JAKMIP2: variants seen among roughly 807,000 people sequenced by gnomAD.
JAKMIP2 encodes janus kinase and microtubule interacting protein 2, also known as janus kinase and microtubule-interacting protein 2.
JAKMIP2 carries 25 observed loss-of-function variants against 115.0 expected under a neutral mutation model. The ratio of observed to expected loss-of-function variants is 0.22; its 90% CI spans 0.16 to 0.30. JAKMIP2 has a LOEUF of 0.30. JAKMIP2 is among the 10% of genes least tolerant of loss of function. The pLI is 1.00. For missense variants in JAKMIP2, 642 were observed against 957.6 expected (o/e 0.67, Z 4.35); for synonymous variants, 334 against 343.6 (o/e 0.97, Z 0.31).
chr5:147,721,108 A>G lies in JAKMIP2; in HGVS notation c.-148-49154T>C, dbSNP rs1230449376. 8.8e-3 allele frequency among the ~76,000 whole-genome samples: 1,325 copies of G among 151,152 alleles called. 26 individuals carry two copies. Among genetic ancestry groups the G allele is most frequent in the African/African-American group, 0.03 (1,205 of 40,644 alleles). ...TGCAGGTCTGTTGGAGTACCCTGCC[A>G]TGTGAGGTGTCAGTGTGCCCCTGCT... On this transcript the variant is annotated intron_variant, in intron 1 of 21. Coordinates refer to ENST00000616793, the MANE Select transcript of JAKMIP2 (RefSeq NM_001270941.2).
Position 147,591,409 on chromosome 5 carries a change from T to G in JAKMIP2, c.*298A>C, listed in dbSNP as rs1755090219. The G allele has an allele frequency of 7.0e-6, 3 of 429,326 alleles. No homozygotes were observed. The highest frequency in any genetic ancestry group is 1.2e-5 in the Non-Finnish European group (3 of 241,182). 26.6% of individuals were successfully genotyped at this position (429,326 alleles called of 1,614,324 possible). Reference sequence around the variant, plus strand: ...GCAGAAACTAGTTCCATTGCTGAACTTTTTCTTTACACAATATATGTTTAT... The same window carrying G: ...GCAGAAACTAGTTCCATTGCTGAACGTTTTCTTTACACAATATATGTTTAT... On this transcript the variant is annotated 3_prime_UTR_variant, in exon 22 of 22. Transcript: ENST00000616793.
At chr5:147,627,501 T>C (rs2126674424) in intron 16 of JAKMIP2, among the ~76,000 whole-genome samples, 1 of 152,018 alleles carries the variant, frequency 6.6e-6, no homozygotes, top group East Asian at 1.9e-4. Flanking sequence ...AAATTCTAAA[T>C]TTGGACCTTC....
At position 147,764,925 on chromosome 5, in the gene JAKMIP2, AGAGAG is replaced by A. The variant is rs1755070734; in HGVS notation, c.-149+17526_-149+17530del. Among the ~76,000 whole-genome samples the A allele has an allele frequency of 4.9e-5, 4 of 82,118 alleles. 1 individual carries two copies. Among genetic ancestry groups the A allele is most frequent in the African/African-American group, 2.5e-4 (4 of 15,946 alleles). The allele number at this position is 82,118 out of a possible 152,430, so 53.9% of individuals were successfully genotyped here. ...AAGAAAGAAAGAAAGAAAGAAAGAG[AGAGAG>A]AGAGAGAGAGAGAGAGGGAGAGAGA... is the stretch of plus-strand genomic sequence containing the variant. On this transcript the variant is annotated intron_variant, in intron 1 of 21. Coordinates refer to ENST00000616793, the MANE Select transcript of JAKMIP2 (RefSeq NM_001270941.2).
At chr5:147,736,290 T>G (rs1753919789) in intron 1 of JAKMIP2, among the ~76,000 whole-genome samples, 1 of 151,188 alleles carries the variant, frequency 6.6e-6, no homozygotes, top group African/African-American at 2.4e-5. Context: ...ACCCCGTCTC[T>G]ATTAAGAATA....
chr5:147,674,237 G>C (rs1432140285), intron 1 of JAKMIP2, among the ~76,000 whole-genome samples: 1 of 151,864 alleles, frequency 6.6e-6, no homozygotes, highest in East Asian at 1.9e-4. Flanking sequence ...TTTATTCCTT[G>C]TTTCTCTTAT....
chr5:147,634,513 T>C (rs932147156), intron 12 of JAKMIP2, among the ~76,000 whole-genome samples: 3 of 152,224 alleles, frequency 2.0e-5, no homozygotes, highest in African/African-American at 7.2e-5. Context: ...GAGATTCTAC[T>C]TCCTAGAATC....
intron 17 of JAKMIP2, 59 bp from the exon 18 acceptor site, chr5:147,620,802 A>C (rs1373945917): frequency 5.2e-6 from 6 of 1,164,746 alleles, no homozygotes; most frequent in Non-Finnish European, 7.7e-6. Context: ...TGACGTACAA[A>C]TGGTATTGAT....
At chr5:147,602,375 C>T (rs1463780989) in intron 20 of JAKMIP2, among the ~76,000 whole-genome samples, 3 of 152,130 alleles carry the variant, frequency 2.0e-5, no homozygotes, top group African/African-American at 4.8e-5. Flanking sequence ...GAAATGGACA[C>T]TGTTAATAAT....
chr5:147,654,676 C>T (rs965273072), intron 3 of JAKMIP2, among the ~76,000 whole-genome samples: 3 of 152,148 alleles, frequency 2.0e-5, no homozygotes, highest in African/African-American at 7.2e-5. Context: ...AATTTGACTT[C>T]CTCTCTTCCT....
intron 12 of JAKMIP2, among the ~76,000 whole-genome samples, chr5:147,633,942 G>A (rs535803293): frequency 3.3e-5 from 5 of 152,004 alleles, no homozygotes; most frequent in Non-Finnish European, 5.9e-5. Context: ...CACCCGCCTC[G>A]GCCTCCCAAT....
At chr5:147,602,000 A>AT (rs746091655) in intron 20 of JAKMIP2, among the ~76,000 whole-genome samples, 189 bp from the exon 21 acceptor site, 1 of 152,246 alleles carries the variant, frequency 6.6e-6, no homozygotes, top group Admixed American at 6.5e-5. Flanking sequence ...TTCAACTAAC[A>AT]TTGATTCATA....
intron 16 of JAKMIP2, among the ~76,000 whole-genome samples, chr5:147,628,457 G>T (rs1476378627): frequency 6.6e-6 from 1 of 152,102 alleles, no homozygotes; most frequent in Non-Finnish European, 1.5e-5. Flanking sequence ...TGGTTTCCCA[G>T]CTTGGTAGGG....
chr5:147,756,944 C>T (rs1303095856), intron 1 of JAKMIP2, among the ~76,000 whole-genome samples: 1 of 152,118 alleles, frequency 6.6e-6, no homozygotes, highest in Admixed American at 6.6e-5. Context: ...AGTAGGTGCT[C>T]AATAAATGCT....
At chr5:147,772,344 G>A (rs1020666867) in intron 1 of JAKMIP2, among the ~76,000 whole-genome samples, 3 of 151,786 alleles carry the variant, frequency 2.0e-5, no homozygotes, top group African/African-American at 4.8e-5. Flanking sequence ...TTTGTCTGCA[G>A]GATTATTTCC....
chr5:147,632,095 T>C (rs1283140639), intron 13 of JAKMIP2, among the ~76,000 whole-genome samples: 2 of 152,210 alleles, frequency 1.3e-5, no homozygotes, highest in African/African-American at 4.8e-5. Flanking sequence ...CAAAATCTGA[T>C]GTTTCCATGT....
intron 2 of JAKMIP2, among the ~76,000 whole-genome samples, chr5:147,664,142 A>G (rs890684116): frequency 1.3e-5 from 2 of 152,230 alleles, no homozygotes; most frequent in African/African-American, 4.8e-5. Context: ...GAAATTTTAA[A>G]TTCACAGATA....
chr5:147,704,074 T>G (rs957362205), intron 1 of JAKMIP2, among the ~76,000 whole-genome samples: 2 of 152,144 alleles, frequency 1.3e-5, no homozygotes, highest in Non-Finnish European at 2.9e-5. Flanking sequence ...TGCATGGAAC[T>G]GTCATCTCCT....
chr5:147,627,705 C>A (rs199816079), intron 16 of JAKMIP2, among the ~76,000 whole-genome samples: 5,411 of 53,874 alleles, frequency 0.1, 468 homozygotes, highest in East Asian at 0.23. Context: ...AAAAAAAAAA[C>A]CCACAAGGTT....
At chr5:147,611,890 T>C (rs1756346316) in intron 20 of JAKMIP2, among the ~76,000 whole-genome samples, 1 of 152,170 alleles carries the variant, frequency 6.6e-6, no homozygotes, top group Non-Finnish European at 1.5e-5. Context: ...GTTTCTGAAT[T>C]TACTGTTAAG....
Sources: allele counts gnomAD v4.1 joint callset (sites outside exome capture counted in the v4.1 genomes callset), GRCh38; gene constraint gnomAD v4.1.1; transcripts MANE v1.5; gene names NCBI Gene and HGNC (gene_info 2026-07-23, HGNC 2026-07-21).